CNTNAP2: variants seen among roughly 807,000 people sequenced by gnomAD.
CNTNAP2 encodes the protein contactin-associated protein-like 2.
CNTNAP2 carries 98 observed loss-of-function variants against 155.2 expected under a neutral mutation model. The observed-to-expected ratio is 0.63, with a 90% CI of 0.54 to 0.75. The LOEUF is 0.75. Ranked by LOEUF, CNTNAP2 falls within the 30% of genes least tolerant of loss-of-function variation. CNTNAP2 has a pLI of 0.00. For synonymous variants in CNTNAP2, 651 were observed against 631.2 expected, an observed-to-expected ratio of 1.03 and a Z score of -0.47; for missense variants, 1,727 against 1,688.1, an observed-to-expected ratio of 1.02 and a Z score of -0.40.
At chr7:147,661,157 C>T (rs1399967796) in intron 13 of CNTNAP2, among the ~76,000 whole-genome samples, 2 of 152,146 alleles carry the variant, frequency 1.3e-5, no homozygotes, top group African/African-American at 4.8e-5. Context: ...ATATAATCCT[C>T]CAGTTAACCC....
intron 1 of CNTNAP2, among the ~76,000 whole-genome samples, chr7:146,629,935 G>T (rs1456688002): frequency 6.6e-6 from 1 of 152,030 alleles, no homozygotes. Context: ...ACACTGGATA[G>T]TTAAGAAATT....
intron 8 of CNTNAP2, among the ~76,000 whole-genome samples, chr7:147,152,617 C>G (rs1047909835): frequency 6.6e-6 from 1 of 151,882 alleles, no homozygotes; most frequent in African/African-American, 2.4e-5. Flanking sequence ...AATGTGTTTA[C>G]AGTATAGTTG....
chr7:147,637,381 T>C (rs1207480975), intron 12 of CNTNAP2, among the ~76,000 whole-genome samples: 1 of 152,104 alleles, frequency 6.6e-6, no homozygotes. Flanking sequence ...GGCTTGATGA[T>C]GAATGCAGAA....
intron 12 of CNTNAP2, among the ~76,000 whole-genome samples, chr7:147,625,302 A>G (rs772811167): frequency 1.1e-4 from 16 of 152,084 alleles, no homozygotes; most frequent in Non-Finnish European, 2.1e-4. Context: ...GTGGATGGAT[A>G]CCTCCTTCTC....
rs922786173 is a variant in CNTNAP2, at chr7:148,415,520, G to A, written c.3900G>A (p.Gly1300=). The change falls in exon 24 of 24, where the codon GGG becomes GGA. Residue 1300 remains glycine, a synonymous_variant. Coordinates refer to ENST00000361727, the MANE Select transcript of CNTNAP2 (RefSeq NM_014141.6). ...CCTACCATACCAACGAAGCAAAGGG[G>A]GCGGAGTCGGCAGAGAGCGCGGACG... ...KGTYHTNEAK[G]AESAESADAA... is the part of the protein sequence containing the mutation. 1.2e-6 allele frequency: 2 copies of A among 1,614,206 alleles called. No homozygotes were observed. Among genetic ancestry groups the A allele is most frequent in the East Asian group, 2.2e-5 (1 of 44,886 alleles).
At chr7:147,330,054 C>T (rs1226053027) in intron 9 of CNTNAP2, among the ~76,000 whole-genome samples, 6 of 152,102 alleles carry the variant, frequency 3.9e-5, no homozygotes, top group Admixed American at 3.9e-4. Context: ...CTTTTGATCA[C>T]ATCCAACTTA....
intron 2 of CNTNAP2, among the ~76,000 whole-genome samples, chr7:146,835,976 G>A (rs1803609083): frequency 6.6e-6 from 1 of 152,122 alleles, no homozygotes; most frequent in African/African-American, 2.4e-5. Context: ...ACAACCCCAT[G>A]AAGGTATACC....
At chr7:148,201,511 TA>T (rs371181445) in intron 18 of CNTNAP2, among the ~76,000 whole-genome samples, 2 of 152,154 alleles carry the variant, frequency 1.3e-5, no homozygotes, top group Non-Finnish European at 2.9e-5. Context: ...ATTTACTTTG[TA>T]AAAAAACGTG....
intron 14 of CNTNAP2, among the ~76,000 whole-genome samples, chr7:147,914,484 G>A (rs759534983): frequency 4.7e-5 from 7 of 149,250 alleles, no homozygotes; most frequent in Non-Finnish European, 1.0e-4. Context: ...AGGTTGCAGT[G>A]AGCCAAGATC....
chr7:146,226,072 G>A (rs1420414388), intron 1 of CNTNAP2, among the ~76,000 whole-genome samples: 1 of 152,088 alleles, frequency 6.6e-6, no homozygotes, highest in Non-Finnish European at 1.5e-5. Context: ...CCATTTCTTA[G>A]AACAATTCCC....
At chr7:147,043,031 C>T (rs539555250) in intron 3 of CNTNAP2, among the ~76,000 whole-genome samples, 8,815 of 152,090 alleles carry the variant, frequency 0.058, 323 homozygotes, top group Middle Eastern at 0.13. Flanking sequence ...ATTATATCTT[C>T]TAAAATATAA....
At chr7:146,679,316 C>T (rs1800458870) in intron 1 of CNTNAP2, among the ~76,000 whole-genome samples, 1 of 149,442 alleles carries the variant, frequency 6.7e-6, no homozygotes, top group African/African-American at 2.4e-5. Context: ...CTAGCTCCAT[C>T]CATATCCATG....
intron 13 of CNTNAP2, among the ~76,000 whole-genome samples, chr7:147,737,537 T>C (rs1376072467): frequency 1.1e-5 from 1 of 89,900 alleles, no homozygotes; most frequent in South Asian, 3.9e-4. Flanking sequence ...ACCACTACTC[T>C]TCCAAGCTGT....
intron 10 of CNTNAP2, among the ~76,000 whole-genome samples, chr7:147,410,338 T>C (rs566514362): frequency 1.3e-5 from 2 of 152,136 alleles, no homozygotes; most frequent in Admixed American, 6.5e-5. Context: ...AGCTAACTAA[T>C]GAGAACACAT....
chr7:148,167,519 G>A (rs2972108), intron 17 of CNTNAP2, among the ~76,000 whole-genome samples: 46,954 of 151,854 alleles, frequency 0.31, 7,777 homozygotes, highest in African/African-American at 0.43. Flanking sequence ...GTCAGACATC[G>A]GTGCAAAGAA....
chr7:146,277,119 A>T (rs1284572304), intron 1 of CNTNAP2, among the ~76,000 whole-genome samples: 1 of 152,146 alleles, frequency 6.6e-6, no homozygotes, highest in African/African-American at 2.4e-5. Context: ...ACAGACAGAC[A>T]GTGCACATAT....
chr7:146,471,588 C>A (rs1004106297), intron 1 of CNTNAP2, among the ~76,000 whole-genome samples: 1 of 152,154 alleles, frequency 6.6e-6, no homozygotes, highest in Non-Finnish European at 1.5e-5. Flanking sequence ...ATAATGAATG[C>A]CTCACACATA....
At chr7:146,296,257 C>T (rs569507090) in intron 1 of CNTNAP2, among the ~76,000 whole-genome samples, 3 of 152,228 alleles carry the variant, frequency 2.0e-5, no homozygotes, top group Non-Finnish European at 4.4e-5. Context: ...TTTATCTCCC[C>T]ATTCCATGAC....
intron 1 of CNTNAP2, among the ~76,000 whole-genome samples, chr7:146,670,208 C>T (rs544939716): frequency 3.3e-4 from 50 of 152,240 alleles, no homozygotes; most frequent in African/African-American, 1.1e-3. Flanking sequence ...TAGTTTTCCC[C>T]AGGCAACATC....
Sources: allele counts gnomAD v4.1 joint callset (sites outside exome capture counted in the v4.1 genomes callset), GRCh38; gene constraint gnomAD v4.1.1; transcripts MANE v1.5; gene names NCBI Gene and HGNC (gene_info 2026-07-23, HGNC 2026-07-21).